MAST4: variants seen among roughly 807,000 people sequenced by gnomAD.
MAST4 encodes the protein microtubule-associated serine/threonine-protein kinase 4.
MAST4 carries 89 observed loss-of-function variants against 162.7 expected under a neutral mutation model. The observed-to-expected ratio is 0.55, with a 90% CI of 0.46 to 0.65. The LOEUF is 0.65. MAST4 is among the 30% of genes least tolerant of loss of function. MAST4 has a pLI of 0.00. For synonymous variants in MAST4, 1,479 were observed against 1,361.1 expected (o/e 1.09, Z -1.91); for missense variants, 3,153 against 3,374.0 (o/e 0.93, Z 1.62).
chr5:66,844,684 G>C (rs376627678), intron 3 of MAST4, among the ~76,000 whole-genome samples: 2 of 152,230 alleles, frequency 1.3e-5, no homozygotes, highest in African/African-American at 4.8e-5. Context: ...TGAGTACTAT[G>C]ATGGTTAGCC....
At chr5:66,663,190 G>C (rs1042078712) in intron 1 of MAST4, among the ~76,000 whole-genome samples, 1 of 152,078 alleles carries the variant, frequency 6.6e-6, no homozygotes, top group Non-Finnish European at 1.5e-5. Flanking sequence ...TGCTTAGGCT[G>C]TATGCCACCC....
intron 3 of MAST4, among the ~76,000 whole-genome samples, chr5:66,876,774 C>G (rs967052329): frequency 6.6e-6 from 1 of 152,134 alleles, no homozygotes; most frequent in Non-Finnish European, 1.5e-5. Context: ...GGAGCATTGT[C>G]ATGACAGAAA....
intron 1 of MAST4, among the ~76,000 whole-genome samples, chr5:66,631,727 A>G (rs1333873834): frequency 6.6e-6 from 1 of 152,178 alleles, no homozygotes; most frequent in Non-Finnish European, 1.5e-5. Flanking sequence ...AAGATTTTAC[A>G]TTTTGCATGA....
intron 4 of MAST4, among the ~76,000 whole-genome samples, chr5:66,983,237 T>A (rs760238461): frequency 1.3e-5 from 2 of 152,156 alleles, no homozygotes; most frequent in Non-Finnish European, 2.9e-5. Context: ...GTGGGTGAGA[T>A]CCCTGGTCAA....
At chr5:66,690,038 T>C (rs1172389050) in intron 1 of MAST4, among the ~76,000 whole-genome samples, 1 of 152,186 alleles carries the variant, frequency 6.6e-6, no homozygotes, top group Non-Finnish European at 1.5e-5. Flanking sequence ...TCAGTTGCAT[T>C]AATCACCATA....
At chr5:66,748,038 G>A (rs137892158) in intron 1 of MAST4, among the ~76,000 whole-genome samples, 29 of 152,290 alleles carry the variant, frequency 1.9e-4, no homozygotes, top group Middle Eastern at 6.8e-3. Flanking sequence ...GTGATAGGGT[G>A]TGGGCTTTGC....
At chr5:66,739,177 T>C (rs1053557669) in intron 1 of MAST4, among the ~76,000 whole-genome samples, 21 of 152,214 alleles carry the variant, frequency 1.4e-4, no homozygotes, top group African/African-American at 4.8e-4. Context: ...ATATTCTCAT[T>C]CATTGTGAAA....
intron 4 of MAST4, among the ~76,000 whole-genome samples, chr5:66,997,013 C>T (rs974662112): frequency 6.6e-6 from 1 of 152,184 alleles, no homozygotes; most frequent in African/African-American, 2.4e-5. Flanking sequence ...CAATTGCCCT[C>T]ATCTTGTACC....
intron 4 of MAST4, among the ~76,000 whole-genome samples, chr5:66,995,378 G>A (rs951065136): frequency 2.4e-4 from 36 of 152,240 alleles, no homozygotes; most frequent in African/African-American, 7.9e-4. Flanking sequence ...ACTGTCAAAT[G>A]TGTGGCTCCT....
intron 5 of MAST4, among the ~76,000 whole-genome samples, chr5:67,089,177 G>A (rs1182270582): frequency 6.6e-6 from 1 of 152,124 alleles, no homozygotes; most frequent in Admixed American, 6.5e-5. Flanking sequence ...TTGCTTTGCA[G>A]CCTTTCCTTG....
rs1491152523 is a variant in MAST4, at chr5:67,049,043, G to GTATATATATA, written c.675-5360_675-5359insATATATATAT. Among the ~76,000 whole-genome samples, 115 of 54,056 alleles carry GTATATATATA rather than the reference G, an allele frequency of 2.1e-3. 2 individuals carry two copies. Among genetic ancestry groups the GTATATATATA allele is most frequent in the African/African-American group, 0.01 (95 of 9,398 alleles). The allele number at this position is 54,056 out of a possible 152,430, so 35.5% of individuals were successfully genotyped here. A position where few individuals can be genotyped will look rare whatever the true frequency, so the allele number is the denominator to read the frequency against. ...TATACGTATATATATATATATATAC[G>GTATATATATA]TGTATATATATATATACGTATATAT... On this transcript the variant is annotated intron_variant, in intron 4 of 28. Transcript: ENST00000403625.
At chr5:66,888,516 C>T (rs1434525353) in intron 3 of MAST4, among the ~76,000 whole-genome samples, 1 of 152,192 alleles carries the variant, frequency 6.6e-6, no homozygotes, top group Non-Finnish European at 1.5e-5. Flanking sequence ...CAAATAGTCT[C>T]ATCCAATTCT....
intron 7 of MAST4, among the ~76,000 whole-genome samples, chr5:67,100,031 T>C (rs1764858694): frequency 6.6e-6 from 1 of 152,150 alleles, no homozygotes; most frequent in Admixed American, 6.5e-5. Flanking sequence ...TTTCATGTTA[T>C]TTACCTAAAA....
chr5:66,812,443 C>T (rs1426865601), intron 3 of MAST4, among the ~76,000 whole-genome samples: 3 of 152,258 alleles, frequency 2.0e-5, no homozygotes, highest in African/African-American at 4.8e-5. Flanking sequence ...CAGGAGAGCC[C>T]CTGCCTATGT....
intron 5 of MAST4, among the ~76,000 whole-genome samples, chr5:67,078,914 AT>A (rs376897871): frequency 0.19 from 7,637 of 39,540 alleles, 1,001 homozygotes; most frequent in Non-Finnish European, 0.21. Flanking sequence ...TTATATAAAT[AT>A]ATATATATAT....
At chr5:67,152,565 T>C (rs748823999) in intron 24 of MAST4, 72 bp from the exon 25 acceptor site, 12 of 1,243,108 alleles carry the variant, frequency 9.7e-6, no homozygotes, top group Non-Finnish European at 1.4e-5. Flanking sequence ...GCAAGGCTCA[T>C]GGGGTGAGGG....
chr5:66,787,436 C>G (rs1755167839), intron 2 of MAST4, among the ~76,000 whole-genome samples: 1 of 152,246 alleles, frequency 6.6e-6, no homozygotes, highest in Non-Finnish European at 1.5e-5. Flanking sequence ...AAGCACTTGA[C>G]TTAAATAAAG....
At chr5:66,980,887 C>T (rs1464253210) in intron 4 of MAST4, among the ~76,000 whole-genome samples, 2 of 152,310 alleles carry the variant, frequency 1.3e-5, no homozygotes, top group East Asian at 3.9e-4. Flanking sequence ...CCTTCTGCTT[C>T]TGACGTTGGC....
chr5:66,908,444 G>GGT (rs1184483180), intron 4 of MAST4, among the ~76,000 whole-genome samples: 4 of 152,122 alleles, frequency 2.6e-5, no homozygotes, highest in African/African-American at 7.2e-5. Context: ...GGCAGGGTAA[G>GGT]GTAGAGGCTT....
Sources: gnomAD v4.1 joint callset for allele counts (sites outside exome capture counted in the v4.1 genomes callset) on GRCh38, gnomAD v4.1.1 for gene constraint, MANE v1.5 for transcripts, NCBI Gene and HGNC (gene_info 2026-07-23, HGNC 2026-07-21) for gene names.